Variants in SNTG1 observed in about 807,000 individuals in gnomAD.
The protein encoded by SNTG1 is gamma-1-syntrophin.
SNTG1 carries 39 observed loss-of-function variants against 74.7 expected under a neutral mutation model. That is an observed-to-expected ratio of 0.52 (90% CI 0.40 to 0.68). The LOEUF (loss-of-function observed/expected upper bound fraction) is 0.68. Ranked by LOEUF, SNTG1 falls within the 30% of genes least tolerant of loss-of-function variation. The probability of loss-of-function intolerance (pLI) is 0.00; values close to 1 mark genes in which losing one functional copy is unlikely to be tolerated. For synonymous variants in SNTG1, 254 were observed against 217.1 expected, an observed-to-expected ratio of 1.17 and a Z score of -1.49; for missense variants, 685 against 609.5, an observed-to-expected ratio of 1.12 and a Z score of -1.30.
intron 2 of SNTG1, among the ~76,000 whole-genome samples, chr8:50,293,796 A>G (rs1013059657): frequency 1.3e-5 from 2 of 152,176 alleles, no homozygotes; most frequent in Non-Finnish European, 2.9e-5. Flanking sequence ...AGATTTCAGT[A>G]TATAAAACTG....
At chr8:50,237,014 A>T (rs1323647092) in intron 2 of SNTG1, among the ~76,000 whole-genome samples, 1 of 152,240 alleles carries the variant, frequency 6.6e-6, no homozygotes. Flanking sequence ...ACAAGTACTT[A>T]GTATTTGAAT....
intron 17 of SNTG1, among the ~76,000 whole-genome samples, chr8:50,734,479 C>A (rs1204358661): frequency 6.6e-6 from 1 of 150,940 alleles, no homozygotes; most frequent in Non-Finnish European, 1.5e-5. Context: ...AAAATTCTCC[C>A]ATCATTATTG....
chr8:50,245,188 A>G (rs560675046), intron 2 of SNTG1, among the ~76,000 whole-genome samples: 2 of 152,136 alleles, frequency 1.3e-5, no homozygotes, highest in Non-Finnish European at 2.9e-5. Flanking sequence ...AACAGACTAA[A>G]TGAAGGTGAC....
intron 2 of SNTG1, among the ~76,000 whole-genome samples, chr8:50,314,137 G>T (rs2090224801): frequency 6.7e-6 from 1 of 149,566 alleles, no homozygotes; most frequent in African/African-American, 2.5e-5. Context: ...CCCCTTCAGT[G>T]GACAGTTACT....
intron 18 of SNTG1, among the ~76,000 whole-genome samples, chr8:50,761,449 C>T (rs185940508): frequency 2.3e-4 from 35 of 151,814 alleles, no homozygotes; most frequent in Admixed American, 6.6e-5. Flanking sequence ...GTCACCCCCG[C>T]TTAGGTTGGA....
chr8:50,217,617 G>A (rs546025459), intron 2 of SNTG1, among the ~76,000 whole-genome samples: 49 of 145,310 alleles, frequency 3.4e-4, no homozygotes, highest in African/African-American at 1.3e-3. Flanking sequence ...ATCAACTTAT[G>A]ATATTAAAAA....
chr8:50,435,596 C>T (rs73581389), intron 4 of SNTG1, among the ~76,000 whole-genome samples: 4,247 of 152,212 alleles, frequency 0.028, 189 homozygotes, highest in African/African-American at 0.096. Context: ...AGTTATTTCC[C>T]TTTTCATGCT....
chr8:50,350,640 C>A (rs1376941622), intron 2 of SNTG1, among the ~76,000 whole-genome samples: 4 of 151,938 alleles, frequency 2.6e-5, no homozygotes, highest in African/African-American at 7.3e-5. Context: ...TGTAAACACA[C>A]CAATCAGCAC....
At chr8:50,773,399 G>A (rs1189815572) in intron 18 of SNTG1, among the ~76,000 whole-genome samples, 2 of 152,096 alleles carry the variant, frequency 1.3e-5, no homozygotes, top group Non-Finnish European at 2.9e-5. Context: ...TTAAAGATCT[G>A]TGCAAGAAGA....
At chr8:50,211,766 A>G (rs1384617281) in intron 2 of SNTG1, among the ~76,000 whole-genome samples, 1 of 152,110 alleles carries the variant, frequency 6.6e-6, no homozygotes, top group Non-Finnish European at 1.5e-5. Context: ...ATACAAAATC[A>G]TTTTGCTTCA....
intron 1 of SNTG1, among the ~76,000 whole-genome samples, chr8:49,912,908 C>G (rs910822414): frequency 2.0e-5 from 3 of 152,174 alleles, no homozygotes; most frequent in African/African-American, 7.2e-5. Context: ...ATCATTCTAA[C>G]TTATTAGTTC....
intron 4 of SNTG1, among the ~76,000 whole-genome samples, chr8:50,433,601 ACT>A (rs2093267694): frequency 6.6e-6 from 1 of 150,996 alleles, no homozygotes; most frequent in African/African-American, 2.4e-5. Context: ...AGTTAATTTC[ACT>A]CTTTTACATT....
intron 1 of SNTG1, among the ~76,000 whole-genome samples, chr8:49,967,101 AG>A (rs1563407061): frequency 1.3e-5 from 2 of 152,222 alleles, no homozygotes; most frequent in African/African-American, 4.8e-5. Context: ...CATTGTCCCA[AG>A]GGCGTAAGTA....
intron 1 of SNTG1, among the ~76,000 whole-genome samples, chr8:50,142,773 A>G (rs1252767318): frequency 6.6e-6 from 1 of 152,180 alleles, no homozygotes; most frequent in Non-Finnish European, 1.5e-5. Context: ...AGCAAGACAA[A>G]TTAAAAATAA....
At chr8:50,358,944 T>C (rs184688542) in intron 2 of SNTG1, among the ~76,000 whole-genome samples, 1 of 152,322 alleles carries the variant, frequency 6.6e-6, no homozygotes, top group East Asian at 1.9e-4. Context: ...TTTCTCAATG[T>C]TATGGGAGAC....
chr8:50,602,650 T>C (rs2094783356), intron 13 of SNTG1, among the ~76,000 whole-genome samples: 1 of 152,188 alleles, frequency 6.6e-6, no homozygotes, highest in South Asian at 2.1e-4. Flanking sequence ...TTTTCTTTCA[T>C]GTCGACAAAC....
At chr8:50,150,018 A>C (rs935627477) in intron 1 of SNTG1, among the ~76,000 whole-genome samples, 1 of 152,000 alleles carries the variant, frequency 6.6e-6, no homozygotes, top group Non-Finnish European at 1.5e-5. Flanking sequence ...GATTTTTCCT[A>C]TCCATGACCA....
rs183018873 is a variant in SNTG1 at position 50,553,953 on chromosome 8, C to T, written c.810+774C>T. On this transcript the variant is annotated intron_variant, in intron 12 of 18. Transcript: ENST00000642720. ...CTCCTCAGTCCGCAATTGTTCCATG[C>T]GATGTTGAGGCATTTCAGAAGTCCT... Among the ~76,000 whole-genome samples, 10 of 152,080 alleles carry T rather than the reference C, an allele frequency of 6.6e-5. No homozygotes were observed. The East Asian group carries it at 1.9e-3, about 29-fold the overall frequency.
chr8:50,521,262 C>T (rs912951130), intron 9 of SNTG1, among the ~76,000 whole-genome samples: 2 of 151,934 alleles, frequency 1.3e-5, no homozygotes, highest in African/African-American at 4.8e-5. Context: ...ACACCAAGGC[C>T]TGATGGGGGC....
Sources: allele counts gnomAD v4.1 joint callset (sites outside exome capture counted in the v4.1 genomes callset), GRCh38; gene constraint gnomAD v4.1.1; transcripts MANE v1.5; gene names NCBI Gene and HGNC (gene_info 2026-07-23, HGNC 2026-07-21).